Variants in DNMBP observed in about 807,000 individuals in gnomAD.
DNMBP encodes the protein dynamin-binding protein.
A neutral mutation model predicts 150.0 loss-of-function variants in DNMBP; 87 were observed. The observed-to-expected ratio is 0.58, with a 90% CI of 0.49 to 0.69. The LOEUF is 0.69. Ranked by LOEUF, DNMBP falls within the 30% of genes least tolerant of loss-of-function variation. The probability of loss-of-function intolerance (pLI) is 0.00; values close to 1 mark genes in which losing one functional copy is unlikely to be tolerated. For synonymous variants in DNMBP, 711 were observed against 750.4 expected, an observed-to-expected ratio of 0.95 and a Z score of 0.86; for missense variants, 1,774 against 1,949.0, an observed-to-expected ratio of 0.91 and a Z score of 1.69.
chr10:99,962,618 G>A (rs997782311), intron 3 of DNMBP, among the ~76,000 whole-genome samples: 9 of 151,364 alleles, frequency 5.9e-5, no homozygotes, highest in Admixed American at 2.0e-4. Flanking sequence ...GCGATAGAGC[G>A]AGACTCCGTC....
intron 12 of DNMBP, 38 bp downstream of exon 12, chr10:99,888,787 T>C (rs199919961): frequency 8.7e-6 from 14 of 1,612,488 alleles, no homozygotes; most frequent in East Asian, 2.2e-5. Flanking sequence ...GAGATGACCC[T>C]GGGAAGGGGG....
intron 1 of DNMBP, 110 bp from the exon 2 acceptor site, chr10:99,972,244 G>A (rs1189526491): frequency 5.5e-6 from 6 of 1,093,928 alleles, no homozygotes; most frequent in African/African-American, 4.8e-5. Context: ...TTAAAATGAA[G>A]CCAAAGCTAA....
intron 4 of DNMBP, among the ~76,000 whole-genome samples, chr10:99,909,645 T>C (rs539475398): frequency 1.3e-5 from 2 of 152,322 alleles, no homozygotes; most frequent in South Asian, 4.1e-4. Flanking sequence ...TGGATAATTA[T>C]AGGACCTATC....
At chr10:99,922,930 T>C (rs1307103198) in intron 4 of DNMBP, among the ~76,000 whole-genome samples, 1 of 152,202 alleles carries the variant, frequency 6.6e-6, no homozygotes, top group Non-Finnish European at 1.5e-5. Flanking sequence ...ATTTTCTCCT[T>C]TTCTTTTTCT....
intron 1 of DNMBP, among the ~76,000 whole-genome samples, chr10:99,998,613 A>T (rs1773410362): frequency 6.6e-6 from 1 of 151,754 alleles, no homozygotes; most frequent in Non-Finnish European, 1.5e-5. Context: ...CACATTAACT[A>T]AATACAATAC....
At chr10:99,915,085 A>G (rs182350544) in intron 4 of DNMBP, among the ~76,000 whole-genome samples, 1,961 of 117,310 alleles carry the variant, frequency 0.017, 58 homozygotes, top group African/African-American at 0.062. Flanking sequence ...CAAGTGTGAA[A>G]CTCTGTCTCA....
chr10:99,930,429 C>A, intron 4 of DNMBP: 1 of 703,006 alleles, frequency 1.4e-6, no homozygotes, highest in Non-Finnish European at 2.6e-6. Flanking sequence ...CGTCCCAGGG[C>A]TGAGACTCTC....
intron 14 of DNMBP, 113 bp downstream of exon 14, chr10:99,885,574 A>T: frequency 9.6e-7 from 1 of 1,045,696 alleles, no homozygotes; most frequent in Non-Finnish European, 1.4e-6. Context: ...ACTATTCTCC[A>T]TTTATTATGA....
At chr10:100,005,557 C>T (rs1314933131) in intron 1 of DNMBP, among the ~76,000 whole-genome samples, 1 of 152,034 alleles carries the variant, frequency 6.6e-6, no homozygotes, top group African/African-American at 2.4e-5. Context: ...AGTTCGAGAC[C>T]AGCCTGGCCA....
Position 99,884,158 on chromosome 10 carries a change from A to G in DNMBP, c.3850T>C (p.Tyr1284His), listed in dbSNP as rs1385499179. Residue 1284 changes from tyrosine to histidine, a missense_variant, in exon 15 of 17, where the codon TAT (tyrosine) becomes CAT (histidine). By Grantham distance (83) the Tyr-to-His change is moderately conservative. This residue lies in a region of DNMBP where 1,430 missense variants were observed against 1,492.5 expected (regional missense o/e 0.96). Transcript: ENST00000324109. ...EELRASLLAR[Y>H]PPEKLFQAER... ...GCCTGGAAGAGTTTTTCAGGGGGAT[A>G]CCTGGCCAGGAGGGAGGCCCGGAGT... is the stretch of plus-strand genomic sequence containing the variant. The G allele has an allele frequency of 1.9e-6, 3 of 1,613,948 alleles. No individual in the cohort carries two copies. The highest frequency in any genetic ancestry group is 2.5e-6 in the Non-Finnish European group (3 of 1,180,036).
intron 1 of DNMBP, among the ~76,000 whole-genome samples, chr10:99,995,390 A>G (rs2040940488): frequency 6.6e-6 from 1 of 152,062 alleles, no homozygotes; most frequent in Non-Finnish European, 1.5e-5. Context: ...AAGTTCCTCT[A>G]AGGCTTCCCC....
intron 1 of DNMBP, among the ~76,000 whole-genome samples, chr10:100,005,787 A>AAAAAAAAAAAAAAAAC (rs1564761728): frequency 2.6e-5 from 3 of 115,926 alleles, no homozygotes; most frequent in African/African-American, 1.3e-4. Context: ...AAAAAAAACC[A>AAAAAAAAAAAAAAAAC]AACTACATAA....
intron 6 of DNMBP, among the ~76,000 whole-genome samples, chr10:99,901,471 C>T (rs1022980480): frequency 1.3e-5 from 2 of 152,094 alleles, no homozygotes; most frequent in African/African-American, 4.8e-5. Flanking sequence ...TAAATAAATG[C>T]TATATTTCAG....
intron 1 of DNMBP, among the ~76,000 whole-genome samples, chr10:99,981,087 G>A (rs989724946): frequency 6.6e-6 from 1 of 152,048 alleles, no homozygotes; most frequent in South Asian, 2.1e-4. Context: ...GGTTAAAATG[G>A]TAAATTTTAT....
intron 11 of DNMBP, among the ~76,000 whole-genome samples, chr10:99,893,351 C>CCAA (rs375347876): frequency 6.9e-4 from 105 of 152,336 alleles, no homozygotes; most frequent in African/African-American, 2.1e-3. Flanking sequence ...CTAATCTTTT[C>CCAA]CAACTACAAG....
intron 4 of DNMBP, chr10:99,930,098 C>T (rs150226451): frequency 4.6e-5 from 32 of 702,862 alleles, no homozygotes; most frequent in Non-Finnish European, 6.8e-5. Flanking sequence ...TGACACCATT[C>T]GAATCTGAAA....
At chr10:99,961,123 A>G (rs1313091427) in intron 3 of DNMBP, among the ~76,000 whole-genome samples, 1 of 151,616 alleles carries the variant, frequency 6.6e-6, no homozygotes, top group Non-Finnish European at 1.5e-5. Context: ...CATGGCAAGC[A>G]CTTGATGTTC....
chr10:99,884,957 A>G (rs1420660248), intron 14 of DNMBP, among the ~76,000 whole-genome samples: 1 of 152,156 alleles, frequency 6.6e-6, no homozygotes, highest in East Asian at 1.9e-4. Context: ...CTATGGGATC[A>G]TATGGGGCAA....
At chr10:99,901,902 CT>C (rs1322449774) in intron 6 of DNMBP, among the ~76,000 whole-genome samples, 4 of 150,222 alleles carry the variant, frequency 2.7e-5, no homozygotes, top group South Asian at 2.1e-4. Context: ...TTGTGCAGAA[CT>C]TTTTTTTTTC....
Sources: gnomAD v4.1 joint callset for allele counts (sites outside exome capture counted in the v4.1 genomes callset) on GRCh38, gnomAD v4.1.1 for gene constraint, gnomAD v4.1.1 regional missense constraint, MANE v1.5 for transcripts, NCBI Gene and HGNC (gene_info 2026-07-23, HGNC 2026-07-21) for gene names.